IQGAP2: variants seen among roughly 807,000 people sequenced by gnomAD.
IQGAP2 encodes the protein ras GTPase-activating-like protein IQGAP2.
A neutral mutation model predicts 201.3 loss-of-function variants in IQGAP2; 173 were observed. That is an observed-to-expected ratio of 0.86 (90% CI 0.76 to 0.98). The LOEUF is 0.98. IQGAP2 is among the 50% of genes least tolerant of loss of function. The probability of loss-of-function intolerance (pLI) is 0.00; values close to 1 mark genes in which losing one functional copy is unlikely to be tolerated. For missense variants in IQGAP2, 1,687 were observed against 1,864.8 expected, an observed-to-expected ratio of 0.90 and a Z score of 1.76; for synonymous variants, 675 against 673.9, an observed-to-expected ratio of 1.00 and a Z score of -0.03.
At chr5:76,497,732 A>G (rs1757066541) in intron 2 of IQGAP2, among the ~76,000 whole-genome samples, 1 of 152,218 alleles carries the variant, frequency 6.6e-6, no homozygotes, top group East Asian at 1.9e-4. Flanking sequence ...CAAACGACAA[A>G]GTGAGAGTGC....
chr5:76,501,327 G>T (rs1346340079), intron 2 of IQGAP2, among the ~76,000 whole-genome samples: 1 of 152,160 alleles, frequency 6.6e-6, no homozygotes, highest in Non-Finnish European at 1.5e-5. Context: ...CCTTTGGGAA[G>T]CTGAGGTGGG....
intron 2 of IQGAP2, among the ~76,000 whole-genome samples, chr5:76,538,623 T>C (rs16873461): frequency 0.15 from 22,616 of 152,222 alleles, 1,844 homozygotes; most frequent in Admixed American, 0.27. Flanking sequence ...ACTCAATTCA[T>C]TGGGGCTAAA....
intron 1 of IQGAP2, among the ~76,000 whole-genome samples, chr5:76,407,390 T>C (rs917434584): frequency 1.2e-4 from 18 of 152,210 alleles, no homozygotes; most frequent in Non-Finnish European, 2.2e-4. Flanking sequence ...CCATCTACGA[T>C]GACCAATCTG....
intron 28 of IQGAP2, among the ~76,000 whole-genome samples, chr5:76,681,649 CT>C (rs1745309449): frequency 6.6e-6 from 1 of 151,948 alleles, no homozygotes; most frequent in African/African-American, 2.4e-5. Context: ...ATGGTCTTTC[CT>C]CAAAAATTTA....
At chr5:76,590,898 G>A (rs1179780378) in intron 8 of IQGAP2, among the ~76,000 whole-genome samples, 3 of 151,880 alleles carry the variant, frequency 2.0e-5, no homozygotes, top group Non-Finnish European at 2.9e-5. Context: ...ACGAGCCTGC[G>A]CGCTATAGTG....
chr5:76,665,446 G>C (rs1162213025), intron 22 of IQGAP2, among the ~76,000 whole-genome samples: 5 of 152,052 alleles, frequency 3.3e-5, no homozygotes, highest in Non-Finnish European at 7.4e-5. Context: ...ATAAAGCAGG[G>C]GTTTTGAAAC....
intron 1 of IQGAP2, among the ~76,000 whole-genome samples, chr5:76,410,087 C>G (rs530424998): frequency 6.6e-6 from 1 of 152,148 alleles, no homozygotes; most frequent in Non-Finnish European, 1.5e-5. Context: ...AATGAAACAC[C>G]GCTTAGCTGC....
intron 1 of IQGAP2, among the ~76,000 whole-genome samples, chr5:76,439,273 A>T (rs1431473550): frequency 6.6e-6 from 1 of 152,222 alleles, no homozygotes; most frequent in African/African-American, 2.4e-5. Context: ...CATATGGTCT[A>T]TCTTGGAGAA....
rs770282679 is a variant in IQGAP2 at position 76,702,539 on chromosome 5, A to G, written c.4563A>G (p.Val1521=). 1.2e-6 allele frequency: 2 copies of G among 1,602,606 alleles called. No homozygotes were observed. The highest frequency in any genetic ancestry group is 2.2e-5 in the South Asian group (2 of 90,804). ...CTGAAGATGTAGGCATTTTCGATGT[A>G]AGATCAAAATTCCTTGGTGTTGAGA... ...IATEDVGIFD[V]RSKFLGVEME... Residue 1521 remains valine (V), a synonymous_variant, in exon 35 of 36, where the codon GTA becomes GTG. Coordinates refer to ENST00000274364, the MANE Select transcript of IQGAP2 (RefSeq NM_006633.5).
chr5:76,653,772 G>A (rs964007310), intron 18 of IQGAP2, among the ~76,000 whole-genome samples: 1 of 152,040 alleles, frequency 6.6e-6, no homozygotes, highest in Non-Finnish European at 1.5e-5. Context: ...AGACCTCTTC[G>A]ATGTTTTCCT....
At chr5:76,413,189 G>A (rs1365540708) in intron 1 of IQGAP2, among the ~76,000 whole-genome samples, 4 of 72,636 alleles carry the variant, frequency 5.5e-5, no homozygotes, top group East Asian at 8.9e-4. Context: ...TTTTTTTTGC[G>A]ATGGAGTCTC....
At chr5:76,474,694 C>T (rs1244614870) in intron 2 of IQGAP2, among the ~76,000 whole-genome samples, 1 of 152,120 alleles carries the variant, frequency 6.6e-6, no homozygotes, top group Admixed American at 6.6e-5. Flanking sequence ...GCAGTGATCC[C>T]CAAATTCATT....
intron 21 of IQGAP2, among the ~76,000 whole-genome samples, chr5:76,661,043 AAAG>A (rs201384389): frequency 0.013 from 2,031 of 152,286 alleles, 44 homozygotes; most frequent in African/African-American, 0.046. Context: ...CCAGAAGAAG[AAAG>A]AAGTTAAGTG....
intron 1 of IQGAP2, among the ~76,000 whole-genome samples, chr5:76,422,337 C>T (rs147104214): frequency 2.4e-4 from 36 of 152,282 alleles, no homozygotes; most frequent in African/African-American, 7.9e-4. Context: ...CAAGTGTGTT[C>T]CGAGGAGTCT....
chr5:76,584,548 C>CA (rs1160484769), intron 5 of IQGAP2, among the ~76,000 whole-genome samples: 1 of 152,110 alleles, frequency 6.6e-6, no homozygotes, highest in Admixed American at 6.5e-5. Flanking sequence ...TCAAAGTGAG[C>CA]AATCGTCAGC....
intron 13 of IQGAP2, among the ~76,000 whole-genome samples, chr5:76,622,955 ATCAGGAGGGAACAC>A (rs1233129610): frequency 3.3e-5 from 5 of 152,248 alleles, no homozygotes; most frequent in Non-Finnish European, 7.3e-5. Flanking sequence ...ATTTTTAAAC[ATCAGGAGGGAACAC>A]TTAGTCTATG....
At position 76,652,781 on chromosome 5, in the gene IQGAP2, A is replaced by T. The variant is rs1752619881; in HGVS notation, c.2126A>T (p.Glu709Val). 2 of 1,611,590 alleles carry T rather than the reference A, an allele frequency of 1.2e-6. No individual in the cohort carries two copies. Among genetic ancestry groups the T allele is most frequent in the African/African-American group, 1.3e-5 (1 of 74,880 alleles). The part of the protein sequence containing the change: ...AFWKGYKQRK[E>V]YMHRRQTFID... ...TGGAAAGGATATAAACAACGGAAGG[A>T]GTATATGCACAGGCGGCAAACGTTC... The change falls in exon 18 of 36, where the codon GAG (glutamate) becomes GTG (valine). Residue 709 changes from glutamate (E) to valine (V), a missense_variant. Glu to Val is a moderately radical substitution (Grantham distance 121). Coordinates refer to ENST00000274364, the MANE Select transcript of IQGAP2 (RefSeq NM_006633.5).
chr5:76,620,493 C>G (rs2069665), intron 13 of IQGAP2, among the ~76,000 whole-genome samples: 5 of 151,990 alleles, frequency 3.3e-5, no homozygotes, highest in African/African-American at 1.2e-4. Flanking sequence ...GAGACAGGAT[C>G]GGGGAGAAGC....
Position 76,600,838 on chromosome 5 carries a change from G to T in IQGAP2, c.1098G>T (p.Leu366Phe), listed in dbSNP as rs1561497183. Residue 366 changes from leucine (L) to phenylalanine (F), a missense_variant, in exon 11 of 36, where the codon TTG (leucine) becomes TTT (phenylalanine). By Grantham distance (22) the Leu-to-Phe change is conservative (BLOSUM62 0). Coordinates refer to ENST00000274364, the MANE Select transcript of IQGAP2 (RefSeq NM_006633.5). ...TMNYLAHEEL[L>F]IAVEMLSAVA... Reference sequence around the variant, plus strand: ...ACTACTTGGCCCACGAGGAGCTTTTGATTGCTGTGGAAATGTTGTCTGCTG... The same window carrying T: ...ACTACTTGGCCCACGAGGAGCTTTTTATTGCTGTGGAAATGTTGTCTGCTG... The T allele has an allele frequency of 6.2e-6, 10 of 1,614,002 alleles. No homozygotes were observed. The highest frequency in any genetic ancestry group is 8.5e-6 in the Non-Finnish European group (10 of 1,179,986).
Sources: allele counts gnomAD v4.1 joint callset (sites outside exome capture counted in the v4.1 genomes callset), GRCh38; gene constraint gnomAD v4.1.1; transcripts MANE v1.5; gene names NCBI Gene and HGNC (gene_info 2026-07-23, HGNC 2026-07-21).